The following TMEM164 variants were observed in gnomAD, a reference collection of about 807,000 sequenced individuals.
The protein encoded by TMEM164 is transmembrane protein 164, also known as RP13-360B22.2.
A neutral mutation model predicts 18.8 loss-of-function variants in TMEM164; 4 were observed. The observed-to-expected ratio is 0.21, with a 90% CI of 0.10 to 0.49. TMEM164 has a LOEUF of 0.49. TMEM164 is among the 20% of genes least tolerant of loss of function. The pLI is 0.98. For missense variants in TMEM164, 108 were observed against 239.9 expected, an observed-to-expected ratio of 0.45 and a Z score of 3.63; for synonymous variants, 86 against 101.7, an observed-to-expected ratio of 0.85 and a Z score of 0.93.
intron 2 of TMEM164, among the ~76,000 whole-genome samples, chrX:110,041,069 G>T (rs1025132195): frequency 1.8e-5 from 2 of 112,005 alleles, no homozygotes; most frequent in Non-Finnish European, 3.8e-5. Flanking sequence ...TTGTTTCTTT[G>T]TCGCTTCTGT....
At chrX:110,068,090 G>A (rs1188110541) in intron 3 of TMEM164, among the ~76,000 whole-genome samples, 3 of 112,706 alleles carry the variant, frequency 2.7e-5, no homozygotes, top group East Asian at 2.8e-4. Flanking sequence ...CCCTGGCCCC[G>A]ATTCTGGAGA....
intron 2 of TMEM164, among the ~76,000 whole-genome samples, chrX:110,009,795 C>T (rs1329071666): frequency 9.0e-6 from 1 of 110,668 alleles, no homozygotes; most frequent in East Asian, 2.8e-4. Context: ...AGATTGAGAC[C>T]ATCTTGGCTA....
At chrX:110,065,878 G>A (rs1936320349) in intron 2 of TMEM164, among the ~76,000 whole-genome samples, 2 of 112,106 alleles carry the variant, frequency 1.8e-5, no homozygotes, top group Admixed American at 9.4e-5. Flanking sequence ...AATTCAAGTC[G>A]TATTTTGCTG....
At chrX:110,030,108 GTTTTTTTT>G (rs34803907) in intron 2 of TMEM164, among the ~76,000 whole-genome samples, 4 of 26,970 alleles carry the variant, frequency 1.5e-4, no homozygotes, top group Admixed American at 7.2e-4. Context: ...TTCTCTGTCT[GTTTTTTTT>G]TTTTTTTTTT....
At chrX:110,156,177 C>T (rs2067013482) in intron 5 of TMEM164, among the ~76,000 whole-genome samples, 1 of 112,075 alleles carries the variant, frequency 8.9e-6, no homozygotes, top group South Asian at 3.7e-4. Context: ...TGGCAAACTT[C>T]GTGTGTTCCT....
chrX:110,055,185 G>A (rs1331237892), intron 2 of TMEM164: 3 of 301,761 alleles, frequency 9.9e-6, no homozygotes, highest in Non-Finnish European at 2.0e-5. Context: ...TGTGTGCTAT[G>A]GCCATGCTAT....
At chrX:110,057,607 A>G (rs1935906672) in intron 2 of TMEM164, among the ~76,000 whole-genome samples, 1 of 95,758 alleles carries the variant, frequency 1.0e-5, no homozygotes, top group South Asian at 4.8e-4. Flanking sequence ...ATTGATCTCC[A>G]TCAGCAGTTT....
At chrX:110,057,387 T>TAAA (rs1935890584) in intron 2 of TMEM164, among the ~76,000 whole-genome samples, 2 of 111,418 alleles carry the variant, frequency 1.8e-5, no homozygotes, top group South Asian at 7.5e-4. Flanking sequence ...CACATTTTCT[T>TAAA]TATTCATGCA....
chrX:110,078,379 C>T (rs1045157623), intron 3 of TMEM164, among the ~76,000 whole-genome samples: 2 of 111,772 alleles, frequency 1.8e-5, no homozygotes, highest in Non-Finnish European at 3.8e-5. Flanking sequence ...TGGCTTTCTT[C>T]GATTGAGTTT....
chrX:110,098,883 C>T (rs1183126687), intron 3 of TMEM164, among the ~76,000 whole-genome samples: 5 of 107,026 alleles, frequency 4.7e-5, no homozygotes, highest in African/African-American at 1.4e-4. Context: ...CCTGGGTTCA[C>T]GCCATTCTGC....
In TMEM164 at chrX:110,099,752, AT is replaced by A. The variant is rs967253500; in HGVS notation, c.441-9324del. On this transcript the variant is annotated intron_variant, in intron 3 of 6. Transcript: ENST00000372068. Reference sequence around the variant, plus strand: ...TCTATCTATAAAATATCCTGTTGGGATTTTGATCAGAATTGCTTTGACTCTA... The same window carrying A: ...TCTATCTATAAAATATCCTGTTGGGATTTGATCAGAATTGCTTTGACTCTA... 2.7e-5 allele frequency among the ~76,000 whole-genome samples: 3 copies of A among 111,822 alleles called. No individual in the cohort carries two copies. In the Admixed American group the frequency reaches 2.9e-4, roughly 11 times the overall value.
chrX:110,046,047 C>A, intron 2 of TMEM164: 1 of 754,338 alleles, frequency 1.3e-6, no homozygotes, highest in Non-Finnish European at 1.6e-6. Flanking sequence ...TAGGCTCCTA[C>A]CTTTACAATC....
At chrX:110,077,511 T>C (rs1304354768) in intron 3 of TMEM164, among the ~76,000 whole-genome samples, 1 of 111,901 alleles carries the variant, frequency 8.9e-6, no homozygotes, top group Non-Finnish European at 1.9e-5. Context: ...TGTTAATTGG[T>C]TGCTTTGTAG....
chrX:110,021,746 G>A, intron 2 of TMEM164, among the ~76,000 whole-genome samples: 1 of 112,208 alleles, frequency 8.9e-6, no homozygotes, highest in Non-Finnish European at 1.9e-5. Context: ...GACTAGGCTG[G>A]ACTAGCTAAT....
intron 4 of TMEM164, among the ~76,000 whole-genome samples, chrX:110,138,674 A>C (rs929825722): frequency 8.9e-6 from 1 of 112,439 alleles, no homozygotes; most frequent in Non-Finnish European, 1.9e-5. Context: ...GGAATGATCA[A>C]CTGCATCAAA....
intron 4 of TMEM164, among the ~76,000 whole-genome samples, chrX:110,137,144 C>T (rs1168093218): frequency 9.0e-6 from 1 of 111,618 alleles, no homozygotes; most frequent in Non-Finnish European, 1.9e-5. Flanking sequence ...GCCTTACTTT[C>T]GATTCTTATC....
rs535238717 is a variant in TMEM164 at position 110,046,887 on chromosome X, T to C, written c.391-20460T>C. ...TGACCCACTTGCATCAGAGTCACCA[T>C]GTGTGCTTTTTAAAAATGCTGATTC... is the stretch of plus-strand genomic sequence containing the variant. On this transcript the variant is annotated intron_variant, in intron 2 of 6. Transcript: ENST00000372068. Among the ~76,000 whole-genome samples, 10 of 112,237 alleles carry C rather than the reference T, an allele frequency of 8.9e-5. No homozygotes were observed. The South Asian group carries it at 1.8e-3, about 20-fold the overall frequency.
At chrX:110,075,415 T>C (rs1026664067) in intron 3 of TMEM164, among the ~76,000 whole-genome samples, 2 of 111,662 alleles carry the variant, frequency 1.8e-5, no homozygotes, top group Non-Finnish European at 3.8e-5. Context: ...AGAAGATAGT[T>C]TGAATTCTTC....
chrX:110,147,476 C>T (rs2066873997), intron 5 of TMEM164, among the ~76,000 whole-genome samples: 2 of 111,694 alleles, frequency 1.8e-5, no homozygotes, highest in Non-Finnish European at 3.8e-5. Flanking sequence ...CTGTCTCTTG[C>T]CTACAGCTTC....
Sources: allele counts gnomAD v4.1 joint callset (sites outside exome capture counted in the v4.1 genomes callset), GRCh38; gene constraint gnomAD v4.1.1; transcripts MANE v1.5; gene names NCBI Gene and HGNC (gene_info 2026-07-23, HGNC 2026-07-21).